The following STK32C variants were observed in gnomAD, a reference collection of about 807,000 sequenced individuals.
STK32C encodes serine/threonine kinase 32C, also known as serine/threonine-protein kinase 32C.
In STK32C, 31 loss-of-function variants were observed where a neutral mutation model predicts 56.5. The ratio of observed to expected loss-of-function variants is 0.55; its 90% CI spans 0.41 to 0.74. STK32C has a LOEUF of 0.74. STK32C is among the 30% of genes least tolerant of loss of function. The probability of loss-of-function intolerance (pLI) is 0.00; values close to 1 mark genes in which losing one functional copy is unlikely to be tolerated. For synonymous variants in STK32C, 309 were observed against 289.4 expected, an observed-to-expected ratio of 1.07 and a Z score of -0.69; for missense variants, 544 against 676.9, an observed-to-expected ratio of 0.80 and a Z score of 2.18.
At chr10:132,269,334 C>G (rs908445743) in intron 1 of STK32C, among the ~76,000 whole-genome samples, 1 of 152,288 alleles carries the variant, frequency 6.6e-6, no homozygotes, top group East Asian at 1.9e-4. Context: ...CTCATCTGAC[C>G]GACACATGGT....
At chr10:132,332,004 C>T, upstream of STK32C, 1 of 415,188 alleles carries the variant, frequency 2.4e-6, no homozygotes, top group Non-Finnish European at 4.2e-6. Context: ...ACCCGACCCC[C>T]TGCCGCGCAG....
intron 1 of STK32C, among the ~76,000 whole-genome samples, chr10:132,272,876 C>T (rs1002764970): frequency 2.6e-5 from 4 of 152,204 alleles, no homozygotes; most frequent in African/African-American, 9.7e-5. Context: ...CTGGCCTCGG[C>T]TCCTCCACCC....
chr10:132,214,544 G>C (rs2062409275), intron 10 of STK32C, among the ~76,000 whole-genome samples: 1 of 152,174 alleles, frequency 6.6e-6, no homozygotes, highest in South Asian at 2.1e-4. Context: ...AAATGATTTA[G>C]GTCAGCAACT....
chr10:132,252,221 G>A (rs971866162), intron 1 of STK32C, among the ~76,000 whole-genome samples: 5 of 152,252 alleles, frequency 3.3e-5, no homozygotes, highest in African/African-American at 1.2e-4. Context: ...AGGAAGGAGG[G>A]AGACAACCTC....
intron 3 of STK32C, among the ~76,000 whole-genome samples, chr10:132,227,273 C>T (rs951528651): frequency 2.0e-5 from 3 of 152,368 alleles, no homozygotes; most frequent in African/African-American, 4.8e-5. Flanking sequence ...TCAGGCTGCC[C>T]GGCCTCCTCT....
intron 2 of STK32C, among the ~76,000 whole-genome samples, chr10:132,242,565 C>G (rs983420282): frequency 6.6e-6 from 1 of 152,102 alleles, no homozygotes; most frequent in South Asian, 2.1e-4. Context: ...GATCCACCCC[C>G]GCCTCAGGCT....
At chr10:132,214,018 T>C (rs2062394010) in intron 10 of STK32C, among the ~76,000 whole-genome samples, 1 of 151,388 alleles carries the variant, frequency 6.6e-6, no homozygotes. Context: ...ATCCAAGAGC[T>C]GTGGGACAAT....
chr10:132,286,800 G>A (rs756242410), intron 1 of STK32C, among the ~76,000 whole-genome samples: 1 of 152,184 alleles, frequency 6.6e-6, no homozygotes, highest in Non-Finnish European at 1.5e-5. Flanking sequence ...CAACATTACA[G>A]TAAATAATAA....
chr10:132,209,068 T>C lies in STK32C; in HGVS notation c.1285A>G (p.Ile429Val), dbSNP rs1260776841. ...NDYLQDCLDA[I>V]QQDFVIFNRE... ...TTAAAAATCACGAAGTCTTGCTGGA[T>C]GGCATCGAGGCAGTCTTGAAGATAG... Residue 429 changes from isoleucine (I) to valine (V), a missense_variant, in exon 11 of 12, where the codon ATC becomes GTC. Coordinates refer to ENST00000298630, the MANE Select transcript of STK32C (RefSeq NM_173575.4). 1.9e-6 allele frequency: 3 copies of C among 1,613,760 alleles called. No homozygotes were observed. The African/African-American group carries it at 4.0e-5, about 22-fold the overall frequency.
In STK32C at chr10:132,209,098, T is replaced by C; in HGVS notation, c.1255A>G (p.Asn419Asp). Residue 419 changes from asparagine to aspartate, a missense_variant, in exon 11 of 12, where the codon AAT becomes GAT. Asn to Asp is a conservative substitution (Grantham distance 23, BLOSUM62 1). Around this residue, in one of 3 missense-constraint regions of STK32C, gnomAD observed 277 missense variants for 309.3 expected, o/e 0.90. Coordinates refer to ENST00000298630, the MANE Select transcript of STK32C (RefSeq NM_173575.4). ...DNSRDSSQSE[N>D]DYLQDCLDAI... ...TCGAGGCAGTCTTGAAGATAGTCATTCTCCTGTGGATGGAAAGGCACACGT... is the reference window on the plus strand; with the variant it reads ...TCGAGGCAGTCTTGAAGATAGTCATCCTCCTGTGGATGGAAAGGCACACGT... 1 of 1,613,846 alleles carries C rather than the reference T, an allele frequency of 6.2e-7. No individual in the cohort carries two copies. The highest frequency in any genetic ancestry group is 8.5e-7 in the Non-Finnish European group (1 of 1,179,964).
At chr10:132,223,268 C>T (rs771015353) in intron 8 of STK32C, among the ~76,000 whole-genome samples, 11 of 152,228 alleles carry the variant, frequency 7.2e-5, no homozygotes, top group Admixed American at 1.3e-4. Flanking sequence ...GAAGGCTCTG[C>T]TGGGATTTGC....
chr10:132,302,720 G>C (rs776438071), intron 1 of STK32C, among the ~76,000 whole-genome samples: 3 of 152,206 alleles, frequency 2.0e-5, no homozygotes, highest in Non-Finnish European at 4.4e-5. Flanking sequence ...TGACTGGAAA[G>C]TTTTCCCACA....
intron 1 of STK32C, among the ~76,000 whole-genome samples, chr10:132,283,929 G>A (rs542608730): frequency 1.3e-5 from 2 of 152,238 alleles, no homozygotes; most frequent in South Asian, 2.1e-4. Flanking sequence ...AGGAGAAGAC[G>A]GGTGCAGCCC....
chr10:132,247,616 C>G (rs867939847), intron 1 of STK32C, among the ~76,000 whole-genome samples: 1 of 152,058 alleles, frequency 6.6e-6, no homozygotes, highest in African/African-American at 2.4e-5. Flanking sequence ...TGGGCACAGG[C>G]AGGAAAAGGA....
At chr10:132,331,167 C>T (rs2066701542) in intron 1 of STK32C, among the ~76,000 whole-genome samples, 2 of 133,470 alleles carry the variant, frequency 1.5e-5, no homozygotes, top group Non-Finnish European at 3.1e-5. Context: ...CGCTACTGCA[C>T]TCCAGCCTGG....
At chr10:132,276,969 C>G (rs2065013947) in intron 1 of STK32C, among the ~76,000 whole-genome samples, 2 of 152,254 alleles carry the variant, frequency 1.3e-5, no homozygotes, top group South Asian at 4.1e-4. Context: ...CCAGCCTCCC[C>G]TCCTCCATTC....
At chr10:132,240,756 G>A (rs2063472564) in intron 2 of STK32C, among the ~76,000 whole-genome samples, 1 of 152,080 alleles carries the variant, frequency 6.6e-6, no homozygotes, top group Admixed American at 6.5e-5. Context: ...GGCAGGGCGA[G>A]GAGCCCAGCC....
chr10:132,314,965 T>A (rs1428661751), intron 1 of STK32C, among the ~76,000 whole-genome samples: 1 of 151,918 alleles, frequency 6.6e-6, no homozygotes, highest in Non-Finnish European at 1.5e-5. Flanking sequence ...AGAAACCCCA[T>A]CTCTACTAAA....
intron 1 of STK32C, among the ~76,000 whole-genome samples, chr10:132,300,845 C>T (rs1223622567): frequency 1.3e-5 from 2 of 152,170 alleles, no homozygotes; most frequent in South Asian, 2.1e-4. Flanking sequence ...GGTCTCGCCA[C>T]GTGCCCAAGT....
Sources: gnomAD v4.1 joint callset for allele counts (sites outside exome capture counted in the v4.1 genomes callset) on GRCh38, gnomAD v4.1.1 for gene constraint, gnomAD v4.1.1 regional missense constraint, MANE v1.5 for transcripts, NCBI Gene and HGNC (gene_info 2026-07-23, HGNC 2026-07-21) for gene names.